Variants in HOOK1 observed in about 807,000 individuals in gnomAD.
HOOK1 encodes the protein hook microtubule tethering protein 1.
A neutral mutation model predicts 112.8 loss-of-function variants in HOOK1; 60 were observed. The observed-to-expected ratio is 0.53, with a 90% CI of 0.43 to 0.66. HOOK1 has a LOEUF of 0.66. HOOK1 is among the 30% of genes least tolerant of loss of function. The pLI, the probability that HOOK1 is intolerant of heterozygous loss-of-function variation, is 0.00. For synonymous variants in HOOK1, 294 were observed against 283.8 expected (o/e 1.04, Z -0.36); for missense variants, 770 against 856.0 (o/e 0.90, Z 1.25).
intron 2 of HOOK1, among the ~76,000 whole-genome samples, chr1:59,825,275 G>A (rs1458953863): frequency 6.6e-6 from 1 of 152,234 alleles, no homozygotes; most frequent in Non-Finnish European, 1.5e-5. Context: ...CAGAACAACT[G>A]TAAATAGTGC....
chr1:59,821,515 T>C (rs2098385588), intron 1 of HOOK1, among the ~76,000 whole-genome samples: 1 of 152,220 alleles, frequency 6.6e-6, no homozygotes, highest in Admixed American at 6.5e-5. Flanking sequence ...ATCTTTAAGT[T>C]CTTTTTCTGA....
At chr1:59,866,163 A>G (rs1643960093) in intron 19 of HOOK1, among the ~76,000 whole-genome samples, 191 bp downstream of exon 19, 1 of 152,172 alleles carries the variant, frequency 6.6e-6, no homozygotes, top group Admixed American at 6.5e-5. Context: ...CATCAGTGTC[A>G]GATAAAATAG....
chr1:59,870,449 A>T (rs1459524981), intron 20 of HOOK1, among the ~76,000 whole-genome samples: 2 of 152,172 alleles, frequency 1.3e-5, no homozygotes, highest in Non-Finnish European at 2.9e-5. Flanking sequence ...CTTGGTTCTT[A>T]TATACTTTTT....
intron 12 of HOOK1, among the ~76,000 whole-genome samples, chr1:59,849,759 T>C (rs998515367): frequency 6.6e-6 from 1 of 151,650 alleles, no homozygotes; most frequent in Non-Finnish European, 1.5e-5. Context: ...TGACTGACTC[T>C]TGCAAGGTTC....
intron 7 of HOOK1, among the ~76,000 whole-genome samples, chr1:59,838,498 G>T (rs905027140): frequency 6.6e-6 from 1 of 152,126 alleles, no homozygotes; most frequent in African/African-American, 2.4e-5. Context: ...GTCTTCTTTT[G>T]AGAAGTGTCT....
At chr1:59,869,216 G>A (rs1644015887) in intron 20 of HOOK1, among the ~76,000 whole-genome samples, 1 of 151,050 alleles carries the variant, frequency 6.6e-6, no homozygotes, top group African/African-American at 2.4e-5. Context: ...TTTTGATATG[G>A]AGTCTTGCTC....
chr1:59,858,591 T>A, intron 13 of HOOK1, 76 bp downstream of exon 13: 1 of 954,110 alleles, frequency 1.0e-6, no homozygotes, highest in Non-Finnish European at 1.7e-6. Flanking sequence ...AATAAAAACT[T>A]AACCTGTCAT....
At chr1:59,857,954 T>C (rs1171917210) in intron 12 of HOOK1, among the ~76,000 whole-genome samples, 1 of 152,214 alleles carries the variant, frequency 6.6e-6, no homozygotes, top group East Asian at 1.9e-4. Flanking sequence ...CCAGCGTCTC[T>C]TACACACCAA....
At position 59,835,235 on chromosome 1, in the gene HOOK1, A is replaced by G. The variant is rs767740836; in HGVS notation, c.407-110A>G. 4.4e-6 allele frequency: 3 copies of G among 689,172 alleles called. No homozygotes were observed. The Admixed American group carries it at 7.9e-5, about 18-fold the overall frequency. 42.7% of individuals were successfully genotyped at this position (689,172 alleles called of 1,614,324 possible). On this transcript the variant is annotated intron_variant, in intron 5 of 21. Coordinates refer to ENST00000371208, the MANE Select transcript of HOOK1 (RefSeq NM_015888.6). ...ACTGGTGGACAAATAATGTATTTAC[A>G]TAAAGGATTATCTGTGGGTAGATGA...
chr1:59,866,819 G>A (rs922284327), intron 19 of HOOK1, among the ~76,000 whole-genome samples: 1 of 151,962 alleles, frequency 6.6e-6, no homozygotes, highest in Non-Finnish European at 1.5e-5. Context: ...TCCTACTATT[G>A]GAAATAATCT....
At position 59,833,926 on chromosome 1, in the gene HOOK1, A is replaced by G. The variant is rs961904360; in HGVS notation, c.406+389A>G. On this transcript the variant is annotated intron_variant, in intron 5 of 21. Coordinates refer to ENST00000371208, the MANE Select transcript of HOOK1 (RefSeq NM_015888.6). Reference sequence around the variant, plus strand: ...TATTCAGCTACTAATTTATAATTCAAGTTTCTTCAGATAATATTCTGCTCC... The same window carrying G: ...TATTCAGCTACTAATTTATAATTCAGGTTTCTTCAGATAATATTCTGCTCC... Among the ~76,000 whole-genome samples the G allele has an allele frequency of 3.9e-4, 59 of 152,206 alleles. 1 individual carries two copies. The highest frequency in any genetic ancestry group is 5.5e-4 in the African/African-American group (23 of 41,468).
At chr1:59,870,188 T>G (rs1436283638) in intron 20 of HOOK1, among the ~76,000 whole-genome samples, 1 of 152,188 alleles carries the variant, frequency 6.6e-6, no homozygotes, top group African/African-American at 2.4e-5. Flanking sequence ...TCATTGATGT[T>G]TGAAATGTAC....
intron 12 of HOOK1, among the ~76,000 whole-genome samples, chr1:59,853,317 A>G (rs1314977335): frequency 6.6e-6 from 1 of 151,816 alleles, no homozygotes; most frequent in East Asian, 1.9e-4. Flanking sequence ...TGTAATTGTT[A>G]TATCTTCCTG....
intron 20 of HOOK1, chr1:59,870,837 G>T: frequency 2.2e-6 from 1 of 453,062 alleles, no homozygotes; most frequent in Non-Finnish European, 4.0e-6. Context: ...TTGAAATAAA[G>T]GTTTATTAGT....
intron 7 of HOOK1, 73 bp downstream of exon 7, chr1:59,837,008 C>A: frequency 2.1e-6 from 2 of 931,134 alleles, no homozygotes; most frequent in Non-Finnish European, 3.4e-6. Context: ...TCTCATAAGG[C>A]TTACAAAGAG....
chr1:59,823,192 C>T (rs539842401), intron 2 of HOOK1, among the ~76,000 whole-genome samples: 27 of 152,110 alleles, frequency 1.8e-4, no homozygotes, highest in African/African-American at 5.5e-4. Flanking sequence ...TGGTGGCGGG[C>T]GCCTGTAGTC....
chr1:59,845,672 ATATAT>A (rs2098403380), intron 9 of HOOK1, among the ~76,000 whole-genome samples: 1 of 151,546 alleles, frequency 6.6e-6, no homozygotes, highest in South Asian at 2.1e-4. Flanking sequence ...CATTCTTGTA[ATATAT>A]TGATTGATTT....
chr1:59,816,179 T>C (rs2098381364), intron 1 of HOOK1, among the ~76,000 whole-genome samples: 2 of 152,220 alleles, frequency 1.3e-5, no homozygotes, highest in South Asian at 4.1e-4. Context: ...GATTCCCTAG[T>C]GATCTAATGC....
chr1:59,828,578 T>C (rs992101308), intron 2 of HOOK1, among the ~76,000 whole-genome samples: 3 of 152,176 alleles, frequency 2.0e-5, no homozygotes, highest in African/African-American at 7.2e-5. Flanking sequence ...TAGTATTAAA[T>C]ATTTAGTAAA....
Sources: allele counts gnomAD v4.1 joint callset (sites outside exome capture counted in the v4.1 genomes callset), GRCh38; gene constraint gnomAD v4.1.1; transcripts MANE v1.5; gene names NCBI Gene and HGNC (gene_info 2026-07-23, HGNC 2026-07-21).